CSMD2: variants seen among roughly 807,000 people sequenced by gnomAD.
CSMD2 encodes the protein CUB and sushi domain-containing protein 2.
Under a neutral mutation model 398.5 loss-of-function variants are expected in CSMD2, and 130 were observed. That is an observed-to-expected ratio of 0.33 (90% CI 0.28 to 0.38). CSMD2 has a LOEUF of 0.38. Ranked by LOEUF, CSMD2 falls within the 10% of genes least tolerant of loss-of-function variation. The probability of loss-of-function intolerance (pLI) is 1.00; values close to 1 mark genes in which losing one functional copy is unlikely to be tolerated. For synonymous variants in CSMD2, 1,828 were observed against 1,908.5 expected (o/e 0.96, Z 1.10); for missense variants, 3,829 against 4,764.9 (o/e 0.80, Z 5.78).
In CSMD2 at chr1:33,733,075, C is replaced by T. The variant is rs906220975; in HGVS notation, c.2368+6065G>A. Among the ~76,000 whole-genome samples the T allele has an allele frequency of 6.6e-5, 10 of 152,294 alleles. No individual in the cohort carries two copies. In the East Asian group the frequency reaches 7.7e-4, roughly 12 times the overall value. ...TGCATTTTTAACCACTCTGGGTGGA[C>T]GTGGGAATGCCCACCTCAACCACTG... On this transcript the variant is annotated intron_variant, in intron 15 of 70. Transcript: ENST00000373381.
intron 3 of CSMD2, among the ~76,000 whole-genome samples, chr1:33,983,140 A>G (rs993117406): frequency 1.3e-5 from 2 of 152,252 alleles, no homozygotes; most frequent in South Asian, 4.1e-4. Context: ...GTCTACAGTT[A>G]TGACAAGGGC....
In CSMD2 at chr1:34,135,590, C is replaced by G. The variant is rs142707501; in HGVS notation, c.187+29321G>C. Among the ~76,000 whole-genome samples the G allele has an allele frequency of 2.1e-3, 290 of 136,802 alleles. 2 individuals carry two copies. The highest frequency in any genetic ancestry group is 7.8e-3 in the African/African-American group (280 of 36,032). The allele number at this position is 136,802 out of a possible 152,430, so 89.7% of individuals were successfully genotyped here. A position where few individuals can be genotyped will look rare whatever the true frequency, so the allele number is the denominator to read the frequency against. ...CAGAGATCACGCCACTGCACTCCAG[C>G]CTGGCAACAAAGCAAGACTCCATCT... On this transcript the variant is annotated intron_variant, in intron 1 of 70. Transcript: ENST00000373381.
chr1:33,858,189 T>C (rs913071550), intron 5 of CSMD2, among the ~76,000 whole-genome samples: 3 of 152,184 alleles, frequency 2.0e-5, no homozygotes, highest in African/African-American at 7.2e-5. Flanking sequence ...CTATGGGTCA[T>C]CCAAGTCAGT....
At chr1:34,040,738 G>A (rs1553293091) in intron 2 of CSMD2, among the ~76,000 whole-genome samples, 1 of 152,142 alleles carries the variant, frequency 6.6e-6, no homozygotes, top group Non-Finnish European at 1.5e-5. Flanking sequence ...GAAATGAGGC[G>A]AGATATAAGG....
At chr1:33,564,742 C>A (rs542443815) in intron 53 of CSMD2, among the ~76,000 whole-genome samples, 7 of 152,216 alleles carry the variant, frequency 4.6e-5, no homozygotes, top group African/African-American at 1.7e-4. Flanking sequence ...GTTATTAAGA[C>A]TAATTTCAGG....
At chr1:33,656,950 CATT>C (rs769629761) in intron 27 of CSMD2, among the ~76,000 whole-genome samples, 22 of 152,258 alleles carry the variant, frequency 1.4e-4, no homozygotes, top group Non-Finnish European at 2.8e-4. Flanking sequence ...GATAAACACT[CATT>C]ATTTCACCTG....
intron 19 of CSMD2, among the ~76,000 whole-genome samples, chr1:33,723,661 A>C (rs908480852): frequency 7.9e-5 from 12 of 152,218 alleles, no homozygotes; most frequent in African/African-American, 2.9e-4. Context: ...GAGCTGAGTT[A>C]TGCAAGAAGG....
intron 3 of CSMD2, among the ~76,000 whole-genome samples, chr1:34,000,682 G>T (rs983033292): frequency 2.6e-5 from 4 of 152,034 alleles, no homozygotes; most frequent in African/African-American, 9.7e-5. Flanking sequence ...AGGAAGAAAT[G>T]AATAAAGTAA....
In CSMD2 at chr1:33,635,119, C is replaced by T; in HGVS notation, c.5086+95G>A. 2.7e-6 allele frequency: 2 copies of T among 740,750 alleles called. No individual in the cohort carries two copies. Among genetic ancestry groups the T allele is most frequent in the South Asian group, 3.2e-5 (2 of 62,228 alleles). The allele number at this position is 740,750 out of a possible 1,614,324, so 45.9% of individuals were successfully genotyped here. A position where few individuals can be genotyped will look rare whatever the true frequency, so the allele number is the denominator to read the frequency against. On this transcript the variant is annotated intron_variant, in intron 31 of 70. Transcript: ENST00000373381. This position sits in a 1 kb window ranked among gnomAD's most constrained non-coding sequence, Gnocchi z 5.0. ...CTGTTCTGCGATTCCCACAATGGGGCTGTATATAATTGGGAGGCGTCTGAG... is the reference window on the plus strand; with the variant it reads ...CTGTTCTGCGATTCCCACAATGGGGTTGTATATAATTGGGAGGCGTCTGAG...
intron 5 of CSMD2, among the ~76,000 whole-genome samples, chr1:33,851,323 C>T (rs1229744118): frequency 6.6e-6 from 1 of 152,172 alleles, no homozygotes; most frequent in Non-Finnish European, 1.5e-5. Flanking sequence ...TTCTGTCCTC[C>T]CAGAGCATCT....
chr1:33,661,366 C>T (rs1644126947), intron 26 of CSMD2, among the ~76,000 whole-genome samples: 1 of 152,080 alleles, frequency 6.6e-6, no homozygotes, highest in African/African-American at 2.4e-5. Flanking sequence ...AGCAACTTCC[C>T]AAGTTTGTTC....
At chr1:34,078,115 G>A (rs1656647414) in intron 2 of CSMD2, among the ~76,000 whole-genome samples, 1 of 151,892 alleles carries the variant, frequency 6.6e-6, no homozygotes, top group African/African-American at 2.4e-5. Context: ...TGGGACTACA[G>A]GTGGATGCCA....
At chr1:33,589,070 G>A (rs1260288767) in intron 44 of CSMD2, among the ~76,000 whole-genome samples, 2 of 152,164 alleles carry the variant, frequency 1.3e-5, no homozygotes, top group Non-Finnish European at 1.5e-5. Context: ...AGACGCACTC[G>A]CTGAAATGTA....
intron 22 of CSMD2, among the ~76,000 whole-genome samples, chr1:33,701,140 C>T (rs1189307189): frequency 6.6e-6 from 1 of 152,212 alleles, no homozygotes; most frequent in African/African-American, 2.4e-5. Flanking sequence ...CTCACCTGAT[C>T]CCACCCCACT....
At chr1:33,909,838 C>G (rs1643350310) in intron 5 of CSMD2, among the ~76,000 whole-genome samples, 1 of 152,182 alleles carries the variant, frequency 6.6e-6, no homozygotes. Context: ...GCAGCTGTGT[C>G]CCAGCACATC....
intron 3 of CSMD2, among the ~76,000 whole-genome samples, chr1:34,003,076 A>C (rs1024005243): frequency 2.6e-4 from 39 of 152,222 alleles, no homozygotes; most frequent in Non-Finnish European, 4.1e-4. Context: ...AAGGCCAGGC[A>C]AGGTCTAAGC....
chr1:33,703,943 T>G (rs1446766326), intron 22 of CSMD2, among the ~76,000 whole-genome samples: 1 of 152,242 alleles, frequency 6.6e-6, no homozygotes, highest in African/African-American at 2.4e-5. Flanking sequence ...CATCTTTTTA[T>G]GTTTATCAAC....
intron 3 of CSMD2, among the ~76,000 whole-genome samples, chr1:33,955,155 T>C (rs951516323): frequency 6.6e-6 from 1 of 152,214 alleles, no homozygotes; most frequent in African/African-American, 2.4e-5. Flanking sequence ...TCCTGCCTCA[T>C]TTCCAATTCC....
At position 33,546,238 on chromosome 1, in the gene CSMD2, C is replaced by T; in HGVS notation, c.8918-19G>A. Reference sequence around the variant, plus strand: ...CTGGTTCCTATGGACCAGAACCACACAAATCCCATTATTTTTCAGGGAAGA... The same window carrying T: ...CTGGTTCCTATGGACCAGAACCACATAAATCCCATTATTTTTCAGGGAAGA... On this transcript the variant is annotated intron_variant, in intron 56 of 70. Transcript: ENST00000373381. The T allele has an allele frequency of 6.3e-7, 1 of 1,597,280 alleles. No homozygotes were observed. The highest frequency in any genetic ancestry group is 8.6e-7 in the Non-Finnish European group (1 of 1,167,492).
Sources: gnomAD v4.1 joint callset for allele counts (sites outside exome capture counted in the v4.1 genomes callset) on GRCh38, gnomAD v4.1.1 for gene constraint, Gnocchi (gnomAD v3.1) non-coding constraint, MANE v1.5 for transcripts, NCBI Gene and HGNC (gene_info 2026-07-23, HGNC 2026-07-21) for gene names.